The following OSBPL10 variants were observed in gnomAD, a reference collection of about 807,000 sequenced individuals.
The protein encoded by OSBPL10 is oxysterol binding protein like 10.
Under a neutral mutation model 81.7 loss-of-function variants are expected in OSBPL10, and 49 were observed. The observed-to-expected ratio is 0.60, with a 90% CI of 0.48 to 0.76. OSBPL10 has a LOEUF of 0.76. OSBPL10 is among the 30% of genes least tolerant of loss of function. The probability of loss-of-function intolerance (pLI) is 0.00; values close to 1 mark genes in which losing one functional copy is unlikely to be tolerated. For missense variants in OSBPL10, 923 were observed against 987.8 expected, an observed-to-expected ratio of 0.93 and a Z score of 0.88; for synonymous variants, 419 against 383.6, an observed-to-expected ratio of 1.09 and a Z score of -1.08.
At chr3:32,066,003 G>GAA (rs1415027244) in intron 1 of OSBPL10, among the ~76,000 whole-genome samples, 1 of 61,488 alleles carries the variant, frequency 1.6e-5, no homozygotes, top group African/African-American at 3.7e-5. Flanking sequence ...AAGAAAGAAA[G>GAA]AAAGAGAAAG....
In OSBPL10 at chr3:31,972,504, C is replaced by T. The variant is rs564996639; in HGVS notation, c.281+8395G>A. Among the ~76,000 whole-genome samples the T allele has an allele frequency of 5.3e-5, 8 of 152,286 alleles. 1 individual carries two copies. The South Asian group carries it at 1.5e-3, about 28-fold the overall frequency. On this transcript the variant is annotated intron_variant, in intron 1 of 11. Coordinates refer to ENST00000396556, the MANE Select transcript of OSBPL10 (RefSeq NM_017784.5). ...TTGTTAGCAGCCCACACAGCTCTGA[C>T]GGAGTGAGCACTGCAGAGACGGCTG... is the stretch of plus-strand genomic sequence containing the variant.
intron 1 of OSBPL10, among the ~76,000 whole-genome samples, chr3:31,904,084 C>T (rs1265272119): frequency 2.6e-5 from 4 of 152,156 alleles, no homozygotes; most frequent in African/African-American, 9.7e-5. Flanking sequence ...CTGACAGGTC[C>T]CAGCCAGGAT....
rs1196911006 is a variant in OSBPL10 at position 32,066,017 on chromosome 3, GAA to G, written n.185+11377_185+11378del. ...AAAGAAAGAAAGAAAGAGAAAGAAA[GAA>G]AGAAAGAGAGAGAGAGAGAAAGAGA... On this transcript the variant is annotated intron_variant and non_coding_transcript_variant, in intron 1 of 3. Coordinates refer to the OSBPL10 transcript ENST00000479173. Among the ~76,000 whole-genome samples the G allele has an allele frequency of 4.4e-4, 32 of 73,404 alleles. 7 individuals carry two copies. Among genetic ancestry groups the G allele is most frequent in the African/African-American group, 8.9e-4 (28 of 31,600 alleles). 48.2% of individuals were successfully genotyped at this position (73,404 alleles called of 152,430 possible).
chr3:31,808,814 CT>C (rs1288461376), intron 4 of OSBPL10, among the ~76,000 whole-genome samples: 1 of 152,198 alleles, frequency 6.6e-6, no homozygotes, highest in Non-Finnish European at 1.5e-5. Flanking sequence ...AGAATTTAAA[CT>C]TTTCAACAGC....
chr3:31,901,547 T>C (rs1696241641), intron 1 of OSBPL10, among the ~76,000 whole-genome samples: 1 of 152,206 alleles, frequency 6.6e-6, no homozygotes, highest in Non-Finnish European at 1.5e-5. Context: ...GAGCAAAGTC[T>C]TCCCTTTCTC....
intron 4 of OSBPL10, among the ~76,000 whole-genome samples, chr3:31,798,430 C>CA (rs5847719): frequency 0.72 from 105,833 of 147,288 alleles, 37,794 homozygotes; most frequent in East Asian, 0.8. Flanking sequence ...AACTCCATCT[C>CA]AAAAAAAAAA....
At chr3:31,937,533 A>G (rs1697410444) in intron 1 of OSBPL10, among the ~76,000 whole-genome samples, 1 of 152,074 alleles carries the variant, frequency 6.6e-6, no homozygotes, top group African/African-American at 2.4e-5. Context: ...AGCTAGAAGA[A>G]CAATACAGCC....
At chr3:31,804,656 G>T (rs1041809561) in intron 4 of OSBPL10, among the ~76,000 whole-genome samples, 1 of 152,146 alleles carries the variant, frequency 6.6e-6, no homozygotes. Flanking sequence ...TCCCACAGTG[G>T]CCATAACGTA....
intron 4 of OSBPL10, among the ~76,000 whole-genome samples, chr3:31,816,149 A>C (rs1225017401): frequency 6.6e-6 from 1 of 152,190 alleles, no homozygotes; most frequent in East Asian, 1.9e-4. Context: ...TGACTCTTCC[A>C]GGGGTCCCAG....
At chr3:31,795,665 C>T (rs2068101) in intron 4 of OSBPL10, 134,621 of 202,840 alleles carry the variant, frequency 0.66, 44,876 homozygotes, top group East Asian at 0.76. Context: ...CGAGGTCACA[C>T]TGGAGAAAGG....
At chr3:31,989,322 T>C (rs771782605) in intron 2 of OSBPL10, 1 of 1,614,182 alleles carries the variant, frequency 6.2e-7, no homozygotes, top group Non-Finnish European at 8.5e-7. Context: ...CGCAAGGCAA[T>C]ACAGAAGTGG....
chr3:31,662,358 C>T, intron 11 of OSBPL10: 23 of 1,263,178 alleles, frequency 1.8e-5, no homozygotes, highest in Non-Finnish European at 2.2e-5. Context: ...AAAAGGGGAG[C>T]TTGGTTGGCT....
Position 31,674,121 on chromosome 3 carries a change from A to G in OSBPL10, c.1727-3138T>C, listed in dbSNP as rs113132047. 2.6e-3 allele frequency among the ~76,000 whole-genome samples: 395 copies of G among 152,206 alleles called. 2 individuals carry two copies. The highest frequency in any genetic ancestry group is 9.3e-3 in the African/African-American group (386 of 41,532). On this transcript the variant is annotated intron_variant, in intron 8 of 11. Coordinates refer to ENST00000396556, the MANE Select transcript of OSBPL10 (RefSeq NM_017784.5). Reference sequence around the variant, plus strand: ...AACTCATGTTGAAATTTGATCTCCAATGTTGGAGGTGGGGCCTAGTGAGAG... The same window carrying G: ...AACTCATGTTGAAATTTGATCTCCAGTGTTGGAGGTGGGGCCTAGTGAGAG...
chr3:31,680,065 G>A (rs1700598510), intron 8 of OSBPL10, among the ~76,000 whole-genome samples: 1 of 152,124 alleles, frequency 6.6e-6, no homozygotes, highest in African/African-American at 2.4e-5. Context: ...GTGCTGCACG[G>A]TGGTAGCTCC....
intron 1 of OSBPL10, among the ~76,000 whole-genome samples, chr3:31,909,504 T>TA (rs34442689): frequency 3.7e-4 from 55 of 147,198 alleles, no homozygotes; most frequent in African/African-American, 5.0e-4. Flanking sequence ...GCTCAACGTT[T>TA]AAAAAAAAAA....
At chr3:31,843,630 C>T (rs2125559844) in intron 3 of OSBPL10, among the ~76,000 whole-genome samples, 1 of 152,246 alleles carries the variant, frequency 6.6e-6, no homozygotes, top group Non-Finnish European at 1.5e-5. Context: ...ATTGTTGGCC[C>T]TCCTTCCTTT....
intron 6 of OSBPL10, chr3:31,717,978 A>C (rs1696506521): frequency 6.6e-6 from 1 of 152,208 alleles, no homozygotes; most frequent in African/African-American, 2.4e-5. Flanking sequence ...GTTAATAATC[A>C]GAACGGTGGG....
intron 3 of OSBPL10, among the ~76,000 whole-genome samples, chr3:31,850,636 C>T (rs978158397): frequency 1.3e-5 from 2 of 152,132 alleles, no homozygotes; most frequent in Non-Finnish European, 1.5e-5. Flanking sequence ...AGTGGCAGAG[C>T]ACTCCCAGGT....
chr3:31,993,730 T>A (rs933713164), intron 2 of OSBPL10, among the ~76,000 whole-genome samples: 2 of 151,672 alleles, frequency 1.3e-5, no homozygotes, highest in Non-Finnish European at 2.9e-5. Flanking sequence ...CAAGTGCTGG[T>A]GAGGATGTGG....
Sources: gnomAD v4.1 joint callset for allele counts (sites outside exome capture counted in the v4.1 genomes callset) on GRCh38, gnomAD v4.1.1 for gene constraint, MANE v1.5 for transcripts, NCBI Gene and HGNC (gene_info 2026-07-23, HGNC 2026-07-21) for gene names.